The following CCDC69 variants were observed in gnomAD, a reference collection of about 807,000 sequenced individuals.
CCDC69 encodes coiled-coil domain-containing protein 69.
Under a neutral mutation model 40.3 loss-of-function variants are expected in CCDC69, and 38 were observed. The ratio of observed to expected loss-of-function variants is 0.94; its 90% CI spans 0.73 to 1.24. The LOEUF is 1.24. Ranked by LOEUF, CCDC69 falls within the 50% of genes most tolerant of loss-of-function variation. The pLI, the probability that CCDC69 is intolerant of heterozygous loss-of-function variation, is 0.00. For missense variants in CCDC69, 389 were observed against 357.9 expected (o/e 1.09, Z -0.70); for synonymous variants, 141 against 138.9 (o/e 1.02, Z -0.11).
intron 1 of CCDC69, among the ~76,000 whole-genome samples, chr5:151,212,607 G>A (rs1214523407): frequency 6.6e-6 from 1 of 152,188 alleles, no homozygotes; most frequent in Non-Finnish European, 1.5e-5. Flanking sequence ...TCATTTTAGA[G>A]GGTAAACTGA....
chr5:151,221,035 C>T (rs1188415052), intron 1 of CCDC69, among the ~76,000 whole-genome samples: 1 of 152,158 alleles, frequency 6.6e-6, no homozygotes, highest in Non-Finnish European at 1.5e-5. Flanking sequence ...AGCACCCACC[C>T]CCAGCCTGCC....
chr5:151,195,715 T>A (rs1327576210), intron 4 of CCDC69, among the ~76,000 whole-genome samples: 2 of 44,772 alleles, frequency 4.5e-5, no homozygotes, highest in Admixed American at 4.0e-4. Flanking sequence ...TGAGACTCCA[T>A]CTCAAAAAAA....
Position 151,195,718 on chromosome 5 carries a change from C to CAAAA in CCDC69, c.319+3275_319+3278dup, listed in dbSNP as rs765505789. 3.2e-3 allele frequency among the ~76,000 whole-genome samples: 193 copies of CAAAA among 59,806 alleles called. 4 individuals carry two copies. Among genetic ancestry groups the CAAAA allele is most frequent in the Admixed American group, 4.6e-3 (21 of 4,536 alleles). The allele number at this position is 59,806 out of a possible 152,430, so 39.2% of individuals were successfully genotyped here. ...TGGGGGACAGAGTGAGACTCCATCT[C>CAAAA]AAAAAAAAAAAAAAAAAAAAACACG... On this transcript the variant is annotated intron_variant, in intron 4 of 8. Coordinates refer to ENST00000355417, the MANE Select transcript of CCDC69 (RefSeq NM_015621.3).
intron 1 of CCDC69, among the ~76,000 whole-genome samples, chr5:151,206,649 C>T (rs552189499): frequency 4.2e-5 from 6 of 143,090 alleles, no homozygotes; most frequent in African/African-American, 1.0e-4. Flanking sequence ...GGTGTGATCT[C>T]GGCTCACTGC....
At chr5:151,223,780 C>G in intron 1 of CCDC69, 143 bp downstream of exon 1, 1 of 717,046 alleles carries the variant, frequency 1.4e-6, no homozygotes, top group Non-Finnish European at 2.1e-6. Flanking sequence ...GAGCCTCCCT[C>G]GTCTCTGAGC....
chr5:151,195,068 C>T lies in CCDC69; in HGVS notation c.319+3929G>A, dbSNP rs535573399. On this transcript the variant is annotated intron_variant, in intron 4 of 8. Coordinates refer to ENST00000355417, the MANE Select transcript of CCDC69 (RefSeq NM_015621.3). ...TCTCCTGGTTATCTGTGTACCTCTC[C>T]CCATACATATAAAATGTCATATATT... Among the ~76,000 whole-genome samples the T allele has an allele frequency of 2.6e-5, 4 of 152,114 alleles. No homozygotes were observed. The East Asian group carries it at 7.7e-4, about 29-fold the overall frequency.
intron 1 of CCDC69, among the ~76,000 whole-genome samples, chr5:151,214,393 G>A (rs1279147596): frequency 2.6e-5 from 4 of 152,160 alleles, no homozygotes; most frequent in Non-Finnish European, 4.4e-5. Context: ...AATGATCAGG[G>A]CTGTTGAGAA....
chr5:151,214,538 A>T (rs1183714527), intron 1 of CCDC69, among the ~76,000 whole-genome samples: 2 of 152,178 alleles, frequency 1.3e-5, no homozygotes, highest in Non-Finnish European at 2.9e-5. Context: ...TGAAACTCAA[A>T]CACTGCCAGG....
At chr5:151,201,723 A>G (rs769581244) in intron 2 of CCDC69, 35 bp from the exon 3 acceptor site, 3 of 1,430,052 alleles carry the variant, frequency 2.1e-6, no homozygotes, top group African/African-American at 2.9e-5. Context: ...AAAAATAAAA[A>G]AACTCACAGA....
chr5:151,205,596 C>A, intron 1 of CCDC69, 121 bp from the exon 2 acceptor site: 2 of 797,042 alleles, frequency 2.5e-6, no homozygotes, highest in African/African-American at 1.7e-5. Context: ...CCAGACCCTG[C>A]CCCACGCCTG....
intron 4 of CCDC69, among the ~76,000 whole-genome samples, chr5:151,193,227 A>C (rs917068432): frequency 2.0e-5 from 3 of 151,958 alleles, no homozygotes; most frequent in African/African-American, 7.3e-5. Context: ...TCTAAAGAAA[A>C]ACCAGGCCAG....
chr5:151,215,825 C>T (rs1753030273), intron 1 of CCDC69: 1 of 188,312 alleles, frequency 5.3e-6, no homozygotes, highest in Non-Finnish European at 1.2e-5. Flanking sequence ...CAGGGCAGGA[C>T]CATTTGCAGT....
At chr5:151,216,401 T>C (rs914599854) in intron 1 of CCDC69, among the ~76,000 whole-genome samples, 1 of 151,126 alleles carries the variant, frequency 6.6e-6, no homozygotes, top group Non-Finnish European at 1.5e-5. Context: ...ACCTAAATTA[T>C]TAGGATTTTT....
chr5:151,208,164 T>C (rs1164855128), intron 1 of CCDC69, among the ~76,000 whole-genome samples: 1 of 152,090 alleles, frequency 6.6e-6, no homozygotes, highest in African/African-American at 2.4e-5. Context: ...GGCATGAGAA[T>C]TGCTTGAACC....
intron 1 of CCDC69, among the ~76,000 whole-genome samples, chr5:151,209,338 G>A (rs1285636667): frequency 2.6e-5 from 4 of 152,220 alleles, no homozygotes; most frequent in East Asian, 1.9e-4. Context: ...CTGCCCCTGG[G>A]TCTCAGTTTT....
intron 2 of CCDC69, among the ~76,000 whole-genome samples, chr5:151,203,342 A>G (rs1414984755): frequency 6.6e-6 from 1 of 151,450 alleles, no homozygotes; most frequent in Non-Finnish European, 1.5e-5. Context: ...CCCCGTCTCT[A>G]CCAAAAATAC....
intron 4 of CCDC69, among the ~76,000 whole-genome samples, chr5:151,193,973 CAT>C (rs1233973873): frequency 6.6e-6 from 1 of 152,198 alleles, no homozygotes; most frequent in Non-Finnish European, 1.5e-5. Context: ...CAAATAAGCA[CAT>C]GAGTTGTTAT....
In CCDC69 at chr5:151,181,074, A is replaced by G. The variant is rs959093795; in HGVS notation, c.*2363T>C. On this transcript the variant is annotated 3_prime_UTR_variant, in exon 9 of 9. Transcript: ENST00000355417. Reference sequence around the variant, plus strand: ...AAATAAGGTGCCGCATGTTCTTTTTAGTTTCCATACATCGTCTGTCCCAGA... The same window carrying G: ...AAATAAGGTGCCGCATGTTCTTTTTGGTTTCCATACATCGTCTGTCCCAGA... The G allele has an allele frequency of 6.6e-6, 1 of 152,050 alleles. No individual in the cohort carries two copies. Among genetic ancestry groups the G allele is most frequent in the African/African-American group, 2.4e-5 (1 of 41,386 alleles). 9.4% of individuals were successfully genotyped at this position (152,050 alleles called of 1,614,324 possible).
intron 1 of CCDC69, among the ~76,000 whole-genome samples, chr5:151,219,681 A>T (rs1305699466): frequency 6.6e-6 from 1 of 152,194 alleles, no homozygotes; most frequent in African/African-American, 2.4e-5. Flanking sequence ...AAATGGTACA[A>T]AGAATGACAC....
Sources: gnomAD v4.1 joint callset for allele counts (sites outside exome capture counted in the v4.1 genomes callset) on GRCh38, gnomAD v4.1.1 for gene constraint, MANE v1.5 for transcripts, NCBI Gene and HGNC (gene_info 2026-07-23, HGNC 2026-07-21) for gene names.